The following MARCHF1 variants were observed in gnomAD, a reference collection of about 807,000 sequenced individuals.
MARCHF1 encodes the protein E3 ubiquitin-protein ligase MARCHF1.
A neutral mutation model predicts 54.2 loss-of-function variants in MARCHF1; 40 were observed. The ratio of observed to expected loss-of-function variants is 0.74; its 90% CI spans 0.57 to 0.96. MARCHF1 has a LOEUF of 0.96. Among genes scored for constraint, MARCHF1 ranks in the 40% least tolerant of loss-of-function variants. MARCHF1 has a pLI of 0.00. For missense variants in MARCHF1, 586 were observed against 656.5 expected (o/e 0.89, Z 1.17); for synonymous variants, 236 against 236.3 (o/e 1.00, Z 0.01).
chr4:163,924,846 AG>A (rs1751504837), intron 3 of MARCHF1, among the ~76,000 whole-genome samples: 1 of 151,850 alleles, frequency 6.6e-6, no homozygotes, highest in African/African-American at 2.4e-5. Context: ...TATAATATTA[AG>A]AAAAATAAGC....
At chr4:164,342,558 AAAAAT>A (rs772806940) in intron 1 of MARCHF1, among the ~76,000 whole-genome samples, 10 of 151,688 alleles carry the variant, frequency 6.6e-5, no homozygotes, top group East Asian at 1.9e-4. Context: ...TAATAGGTTA[AAAAAT>A]AAAATAAAAT....
chr4:164,190,931 G>A (rs180950866), intron 1 of MARCHF1, among the ~76,000 whole-genome samples: 1 of 152,124 alleles, frequency 6.6e-6, no homozygotes, highest in Non-Finnish European at 1.5e-5. Flanking sequence ...GTATCAAGAA[G>A]CAATTGTTTT....
intron 1 of MARCHF1, among the ~76,000 whole-genome samples, chr4:164,349,835 C>T (rs568178925): frequency 1.3e-5 from 2 of 152,276 alleles, no homozygotes; most frequent in South Asian, 2.1e-4. Flanking sequence ...AACTTATCCA[C>T]TCAAATTGTT....
intron 3 of MARCHF1, among the ~76,000 whole-genome samples, chr4:163,869,144 A>G (rs1750117304): frequency 6.6e-6 from 1 of 152,036 alleles, no homozygotes; most frequent in South Asian, 2.1e-4. Context: ...GAGAAGCTAG[A>G]AAAAGCCAGG....
At chr4:163,721,232 G>T (rs979229110) in intron 4 of MARCHF1, among the ~76,000 whole-genome samples, 2 of 152,156 alleles carry the variant, frequency 1.3e-5, no homozygotes, top group Non-Finnish European at 2.9e-5. Context: ...AGAGTTTTTA[G>T]CATGAAGGGT....
intron 4 of MARCHF1, among the ~76,000 whole-genome samples, chr4:163,726,071 C>A (rs566182453): frequency 2.0e-5 from 3 of 152,286 alleles, no homozygotes; most frequent in African/African-American, 7.2e-5. Context: ...TATACAGCCT[C>A]CCCACTATCA....
At chr4:164,243,563 A>C (rs868090653) in intron 1 of MARCHF1, among the ~76,000 whole-genome samples, 18 of 152,232 alleles carry the variant, frequency 1.2e-4, no homozygotes, top group Admixed American at 2.6e-4. Flanking sequence ...CGAGCAAAAT[A>C]ACCAGCTAAC....
chr4:164,017,613 A>G (rs1163192125), intron 2 of MARCHF1, among the ~76,000 whole-genome samples: 1 of 151,964 alleles, frequency 6.6e-6, no homozygotes, highest in African/African-American at 2.4e-5. Context: ...AGTATATGTA[A>G]GACCTAGCCA....
At chr4:164,315,819 G>A (rs62348053) in intron 1 of MARCHF1, among the ~76,000 whole-genome samples, 1,953 of 152,224 alleles carry the variant, frequency 0.013, 15 homozygotes, top group Non-Finnish European at 0.021. Flanking sequence ...AATCATAGAC[G>A]CTTTTAAATA....
At chr4:163,644,034 C>T (rs533646510) in intron 5 of MARCHF1, among the ~76,000 whole-genome samples, 20 of 142,148 alleles carry the variant, frequency 1.4e-4, no homozygotes, top group Non-Finnish European at 2.2e-4. Context: ...ATAATGCCCA[C>T]GCCTCTTCAA....
intron 1 of MARCHF1, among the ~76,000 whole-genome samples, chr4:164,307,870 C>A (rs1734737416): frequency 6.6e-6 from 1 of 152,200 alleles, no homozygotes; most frequent in Non-Finnish European, 1.5e-5. Context: ...ATTTTGCCTC[C>A]TTTCCAGAAG....
chr4:164,329,768 A>G (rs1323990612), intron 1 of MARCHF1, among the ~76,000 whole-genome samples: 2 of 152,186 alleles, frequency 1.3e-5, no homozygotes, highest in Non-Finnish European at 2.9e-5. Flanking sequence ...ACACACTTTT[A>G]AATGACCAGA....
In MARCHF1 at chr4:163,645,512, A is replaced by G. The variant is rs1021487237; in HGVS notation, c.163-32119T>C. 4.0e-4 allele frequency among the ~76,000 whole-genome samples: 61 copies of G among 152,222 alleles called. 1 individual carries two copies. The highest frequency in any genetic ancestry group is 4.4e-5 in the Non-Finnish European group (3 of 68,030). ...CAAAAGAAAGAAATAAAGTTCCAGC[A>G]ACCAAGTCCAAAGAAATGGTGATCT... On this transcript the variant is annotated intron_variant, in intron 5 of 9. Coordinates refer to ENST00000514618, the MANE Select transcript of MARCHF1 (RefSeq NM_001394959.1).
chr4:163,559,957 CTTTA>C (rs1265486980), intron 8 of MARCHF1, among the ~76,000 whole-genome samples: 14 of 152,204 alleles, frequency 9.2e-5, no homozygotes, highest in East Asian at 1.9e-4. Flanking sequence ...TCTCAGATTT[CTTTA>C]TTTATGTGGA....
intron 3 of MARCHF1, among the ~76,000 whole-genome samples, chr4:163,899,785 C>T (rs1750898131): frequency 6.6e-6 from 1 of 151,808 alleles, no homozygotes. Flanking sequence ...CACACACACA[C>T]ACACACACTC....
chr4:163,641,136 A>G (rs1742539907), intron 5 of MARCHF1, among the ~76,000 whole-genome samples: 1 of 152,144 alleles, frequency 6.6e-6, no homozygotes, highest in Non-Finnish European at 1.5e-5. Context: ...TAATGTTACA[A>G]TATGTCATTC....
At chr4:164,239,797 CTTCTT>C (rs1732674590) in intron 1 of MARCHF1, among the ~76,000 whole-genome samples, 1 of 151,278 alleles carries the variant, frequency 6.6e-6, no homozygotes, top group Non-Finnish European at 1.5e-5. Flanking sequence ...ATGTCATATT[CTTCTT>C]TTCATTTCTT....
Position 163,894,918 on chromosome 4 carries a change from T to C in MARCHF1, c.-38-40749A>G, listed in dbSNP as rs868505037. On this transcript the variant is annotated intron_variant, in intron 3 of 9. Coordinates refer to ENST00000514618, the MANE Select transcript of MARCHF1 (RefSeq NM_001394959.1). ...TATGCATGTGATGCATATATATATA[T>C]ATGCATGTGATGCATATATATATAT... 8.8e-4 allele frequency among the ~76,000 whole-genome samples: 43 copies of C among 48,698 alleles called. 4 individuals are homozygous for C. The highest frequency in any genetic ancestry group is 7.2e-3 in the South Asian group (6 of 828). The allele number at this position is 48,698 out of a possible 152,430, so 31.9% of individuals were successfully genotyped here.
At chr4:164,153,783 T>C in intron 1 of MARCHF1, among the ~76,000 whole-genome samples, 1 of 152,312 alleles carries the variant, frequency 6.6e-6, no homozygotes, top group Non-Finnish European at 1.5e-5. Context: ...TCTAAATTTA[T>C]GCTTTTAAAA....
Sources: allele counts gnomAD v4.1 joint callset (sites outside exome capture counted in the v4.1 genomes callset), GRCh38; gene constraint gnomAD v4.1.1; transcripts MANE v1.5; gene names NCBI Gene and HGNC (gene_info 2026-07-23, HGNC 2026-07-21).